The following THRAP3 variants were observed in gnomAD, a reference collection of about 807,000 sequenced individuals.
THRAP3 encodes the protein thyroid hormone receptor associated protein 3.
In THRAP3, 16 loss-of-function variants were observed where a neutral mutation model predicts 101.0. That is an observed-to-expected ratio of 0.16 (90% confidence interval 0.11 to 0.24). The LOEUF (loss-of-function observed/expected upper bound fraction) is 0.24, where lower values mean the gene tolerates loss of function less well. Ranked by LOEUF, THRAP3 falls within the 10% of genes least tolerant of loss-of-function variation. THRAP3 has a pLI of 1.00. For synonymous variants in THRAP3, 407 were observed against 422.6 expected, an observed-to-expected ratio of 0.96 and a Z score of 0.45; for missense variants, 989 against 1,202.7, an observed-to-expected ratio of 0.82 and a Z score of 2.63.
chr1:36,242,610 G>C (rs763682282), intron 1 of THRAP3, among the ~76,000 whole-genome samples: 3 of 151,882 alleles, frequency 2.0e-5, no homozygotes, highest in Non-Finnish European at 4.4e-5. Context: ...CAGCCACCAC[G>C]CTCGGCTAAT....
rs558628364 is a variant in THRAP3, at chr1:36,243,857, G to A, written c.-134-15525G>A. 4.1e-3 allele frequency among the ~76,000 whole-genome samples: 591 copies of A among 144,194 alleles called. 9 individuals carry two copies. The highest frequency in any genetic ancestry group is 8.0e-3 in the South Asian group (36 of 4,480). The allele number at this position is 144,194 out of a possible 152,430, so 94.6% of individuals were successfully genotyped here. Reference sequence around the variant, plus strand: ...CCCACACCTCCCTCCCGGACGGGGCGGCTGGCCGGGTGGGGGGCTGACCCC... The same window carrying A: ...CCCACACCTCCCTCCCGGACGGGGCAGCTGGCCGGGTGGGGGGCTGACCCC... On this transcript the variant is annotated intron_variant, in intron 1 of 11. Coordinates refer to ENST00000354618, the MANE Select transcript of THRAP3 (RefSeq NM_005119.4).
At chr1:36,207,993 A>T in the THRAP3 span, among the ~76,000 whole-genome samples, 1 of 152,134 alleles carries the variant, frequency 6.6e-6, no homozygotes, top group Non-Finnish European at 1.5e-5. Flanking sequence ...GGGTTTCGCC[A>T]TGTTGGCCCG....
At chr1:36,216,919 T>C in the THRAP3 span, among the ~76,000 whole-genome samples, 1 of 152,244 alleles carries the variant, frequency 6.6e-6, no homozygotes, top group Admixed American at 6.5e-5. Context: ...CATATACTCT[T>C]CCTGCATTGC....
In THRAP3 at chr1:36,286,597, G is replaced by C. The variant is rs759369979; in HGVS notation, c.367G>C (p.Gly123Arg). ...NYRQAYSPRR[G>R]RSRSRSPKRR... is the part of the protein sequence containing the mutation. ...CCGGCAAGCATACAGTCCTCGTCGA[G>C]GCCGTTCAAGATCCCGGTCCCCAAA... The change falls in exon 4 of 12, where the codon GGC (glycine) becomes CGC (arginine). Residue 123 changes from glycine (G) to arginine (R), a missense_variant. Physicochemically the swap from Gly to Arg is moderately radical, Grantham distance 125 (BLOSUM62 -2). Transcript: ENST00000354618. The surrounding 1 kb of genome is among the most constrained non-coding windows in gnomAD (Gnocchi z 5.5). 2 of 1,614,148 alleles carry C rather than the reference G, an allele frequency of 1.2e-6. No individual in the cohort carries two copies. The highest frequency in any genetic ancestry group is 3.3e-5 in the Admixed American group (2 of 60,016).
chr1:36,256,453 C>T (rs1645376803), intron 1 of THRAP3, among the ~76,000 whole-genome samples: 1 of 151,910 alleles, frequency 6.6e-6, no homozygotes, highest in South Asian at 2.1e-4. Context: ...TCTCCATCTC[C>T]TGACCTCGTG....
chr1:36,258,090 C>T (rs1228784653), intron 1 of THRAP3, among the ~76,000 whole-genome samples: 1 of 152,064 alleles, frequency 6.6e-6, no homozygotes, highest in Non-Finnish European at 1.5e-5. Context: ...CCGCCCGCCT[C>T]GGCCTCCCAA....
intron 1 of THRAP3, among the ~76,000 whole-genome samples, chr1:36,249,337 G>T (rs1271915571): frequency 2.0e-5 from 3 of 151,870 alleles, no homozygotes; most frequent in Non-Finnish European, 4.4e-5. Flanking sequence ...GACCACAGGT[G>T]CCCGCCACCA....
intron 1 of THRAP3, among the ~76,000 whole-genome samples, chr1:36,233,949 C>T (rs1353994192): frequency 2.0e-5 from 3 of 152,016 alleles, no homozygotes; most frequent in African/African-American, 7.2e-5. Flanking sequence ...CTTAACATTT[C>T]ATTTTTTCTT....
At chr1:36,293,406 A>G (rs942716836) in intron 7 of THRAP3, among the ~76,000 whole-genome samples, 1 of 152,146 alleles carries the variant, frequency 6.6e-6, no homozygotes, top group Non-Finnish European at 1.5e-5. Flanking sequence ...ATTCTTCTGG[A>G]AGAATTTGCC....
intron 5 of THRAP3, among the ~76,000 whole-genome samples, chr1:36,290,568 C>T (rs185567333): frequency 2.0e-5 from 3 of 152,254 alleles, no homozygotes; most frequent in East Asian, 1.9e-4. Flanking sequence ...CAGGTTCAAG[C>T]GATTCTCCTG....
Position 36,304,615 on chromosome 1 carries a change from ATGTCAAGG to A in THRAP3, c.*599_*606del. On this transcript the variant is annotated 3_prime_UTR_variant, in exon 12 of 12. Coordinates refer to ENST00000354618, the MANE Select transcript of THRAP3 (RefSeq NM_005119.4). ...GGATCTTTGTAAAAACCGGTTTTGT[ATGTCAAGG>A]AGGAGTTTAAGGCCTTTCCGACCAC... is the stretch of plus-strand genomic sequence containing the variant. The A allele has an allele frequency of 4.5e-6, 1 of 222,876 alleles. No homozygotes were observed. The highest frequency in any genetic ancestry group is 6.5e-5 in the East Asian group (1 of 15,418). The allele number at this position is 222,876 out of a possible 1,614,324, so 13.8% of individuals were successfully genotyped here. A position where few individuals can be genotyped will look rare whatever the true frequency, so the allele number is the denominator to read the frequency against.
chr1:36,281,418 A>C (rs888967803), intron 2 of THRAP3, among the ~76,000 whole-genome samples: 2 of 152,242 alleles, frequency 1.3e-5, no homozygotes, highest in Non-Finnish European at 2.9e-5. Flanking sequence ...AAAATTAATA[A>C]GCACCCTCAT....
At chr1:36,242,370 C>G (rs966978142) in intron 1 of THRAP3, among the ~76,000 whole-genome samples, 4 of 151,434 alleles carry the variant, frequency 2.6e-5, no homozygotes, top group African/African-American at 9.7e-5. Context: ...CCAGGTTGAT[C>G]TTGAACTCCT....
At chr1:36,271,119 C>T (rs1410116710) in intron 2 of THRAP3, among the ~76,000 whole-genome samples, 1 of 152,146 alleles carries the variant, frequency 6.6e-6, no homozygotes, top group Non-Finnish European at 1.5e-5. Flanking sequence ...TCACTGATAA[C>T]AGTTTGCTGT....
chr1:36,285,003 G>A (rs1461289991), intron 3 of THRAP3, among the ~76,000 whole-genome samples: 1 of 151,968 alleles, frequency 6.6e-6, no homozygotes, highest in Non-Finnish European at 1.5e-5. Context: ...TCTTATTCAT[G>A]GTGTAGATAA....
intron 2 of THRAP3, among the ~76,000 whole-genome samples, chr1:36,269,257 A>C (rs558622433): frequency 2.0e-5 from 3 of 152,280 alleles, no homozygotes; most frequent in South Asian, 4.1e-4. Context: ...ATGCCAAACA[A>C]ACAGTTGAAG....
chr1:36,290,113 A>C (rs775310153), intron 5 of THRAP3, among the ~76,000 whole-genome samples: 1 of 152,104 alleles, frequency 6.6e-6, no homozygotes, highest in Non-Finnish European at 1.5e-5. Flanking sequence ...TGGGTTGCCA[A>C]AGTCTATAGT....
At chr1:36,268,723 A>ATT (rs200374533) in intron 2 of THRAP3, among the ~76,000 whole-genome samples, 35 of 143,500 alleles carry the variant, frequency 2.4e-4, no homozygotes, top group African/African-American at 6.6e-4. Context: ...ATATGAGTTA[A>ATT]TTTTTTTTTT....
intron 1 of THRAP3, among the ~76,000 whole-genome samples, chr1:36,252,931 T>TGC: frequency 2.3e-5 from 1 of 43,484 alleles, no homozygotes; most frequent in Non-Finnish European, 4.5e-5. Flanking sequence ...GATAGGCATA[T>TGC]ATATATATAT....
Sources: allele counts gnomAD v4.1 joint callset (sites outside exome capture counted in the v4.1 genomes callset), GRCh38; gene constraint gnomAD v4.1.1; non-coding constraint Gnocchi (gnomAD v3.1); transcripts MANE v1.5; gene names NCBI Gene and HGNC (gene_info 2026-07-23, HGNC 2026-07-21).